CCK: variants seen among roughly 807,000 people sequenced by gnomAD.
CCK encodes cholecystokinin triacontatriapeptide.
A neutral mutation model predicts 10.1 loss-of-function variants in CCK; 11 were observed. The ratio of observed to expected loss-of-function variants is 1.09; its 90% CI spans 0.69 to 1.81. The LOEUF (loss-of-function observed/expected upper bound fraction) is 1.81. CCK is among the 40% of genes most tolerant of loss of function. The pLI is 0.00. For synonymous variants in CCK, 83 were observed against 71.9 expected (o/e 1.15, Z -0.78); for missense variants, 137 against 159.9 (o/e 0.86, Z 0.77).
chr3:42,263,547 G>A lies in CCK; in HGVS notation c.84C>T (p.Pro28=). Residue 28 remains proline, a synonymous_variant, in exon 4 of 5, where the codon CCC becomes CCT. Transcript: ENST00000396169. ...CTGCCCGCTGCAGCCCGGAGCCCGCGGGATCTGCGGGAGGCACCGGCTGCG... is the reference window on the plus strand; with the variant it reads ...CTGCCCGCTGCAGCCCGGAGCCCGCAGGATCTGCGGGAGGCACCGGCTGCG... ...ALTQPVPPAD[P]AGSGLQRAEE... The A allele has an allele frequency of 6.2e-7, 1 of 1,612,146 alleles. No homozygotes were observed. The highest frequency in any genetic ancestry group is 8.5e-7 in the Non-Finnish European group (1 of 1,179,228).
chr3:42,263,653 G>A, intron 3 of CCK, 21 bp from the exon 4 acceptor site: 1 of 1,509,200 alleles, frequency 6.6e-7, no homozygotes, highest in South Asian at 1.3e-5. Flanking sequence ...CAAAGGAGGA[G>A]GGCGCGTTAA....
Position 42,263,631 on chromosome 3 carries a change from G to T in CCK, c.-1C>A. On this transcript the variant is annotated splice_region_variant and 5_prime_UTR_variant, in exon 4 of 5. Coordinates refer to ENST00000396169, the MANE Select transcript of CCK (RefSeq NM_000729.6). ...CGCACAGGCACACGCCGCTGTTCAT[G>T]GCTGTAGCGAGCAAAGGAGGAGGGC... 1.3e-6 allele frequency: 2 copies of T among 1,571,226 alleles called. No homozygotes were observed. Among genetic ancestry groups the T allele is most frequent in the Non-Finnish European group, 1.7e-6 (2 of 1,158,160 alleles).
rs777458116 is a variant in CCK at position 42,263,578 on chromosome 3, G to A, written c.53C>T (p.Ala18Val). The A allele has an allele frequency of 1.3e-6, 2 of 1,599,664 alleles. No individual in the cohort carries two copies. Among genetic ancestry groups the A allele is most frequent in the East Asian group, 2.3e-5 (1 of 43,972 alleles). ...TGCGGGAGGCACCGGCTGCGTCAGG[G>A]CGCCAGCCGCCAGTACCGCCATCAG... The part of the protein sequence containing the change: ...CVLMAVLAAG[A>V]LTQPVPPADP... The change falls in exon 4 of 5, where the codon GCC (alanine) becomes GTC (valine). Residue 18 changes from alanine to valine, a missense_variant. Transcript: ENST00000396169.
At chr3:42,260,693 T>G (rs11571858) in intron 4 of CCK, among the ~76,000 whole-genome samples, 1 of 152,184 alleles carries the variant, frequency 6.6e-6, no homozygotes, top group African/African-American at 2.4e-5. Flanking sequence ...AAGGGGCTTA[T>G]TGGAAAGCTA....
chr3:42,263,551 T>C lies in CCK; in HGVS notation c.80A>G (p.Asp27Gly). The change falls in exon 4 of 5, where the codon GAT becomes GGT. Residue 27 changes from aspartate to glycine, a missense_variant. Coordinates refer to ENST00000396169, the MANE Select transcript of CCK (RefSeq NM_000729.6). ...GALTQPVPPADPAGSGLQRAE... is the reference protein window; with the variant it reads ...GALTQPVPPAGPAGSGLQRAE... ...CCGCTGCAGCCCGGAGCCCGCGGGA[T>C]CTGCGGGAGGCACCGGCTGCGTCAG... 2 of 1,611,868 alleles carry C rather than the reference T, an allele frequency of 1.2e-6. No homozygotes were observed. The highest frequency in any genetic ancestry group is 1.7e-6 in the Non-Finnish European group (2 of 1,179,076).
chr3:42,265,221 G>C (rs1487950411), intron 2 of CCK, 48 bp downstream of exon 2: 1 of 152,346 alleles, frequency 6.6e-6, no homozygotes, highest in Non-Finnish European at 1.5e-5. Flanking sequence ...GAAAGGGAGG[G>C]GGCGTCGGCC....
intron 4 of CCK, among the ~76,000 whole-genome samples, chr3:42,258,926 C>T (rs1161335314): frequency 6.6e-6 from 1 of 152,158 alleles, no homozygotes; most frequent in Admixed American, 6.5e-5. Flanking sequence ...CAGCACTATT[C>T]ACAATAGCAA....
In CCK at chr3:42,264,835, A is replaced by T. The variant is rs1370056653; in HGVS notation, c.-141T>A. 2 of 152,238 alleles carry T rather than the reference A, an allele frequency of 1.3e-5. No individual in the cohort carries two copies. Among genetic ancestry groups the T allele is most frequent in the Non-Finnish European group, 2.9e-5 (2 of 68,098 alleles). The allele number at this position is 152,238 out of a possible 1,614,324, so 9.4% of individuals were successfully genotyped here. A position where few individuals can be genotyped will look rare whatever the true frequency, so the allele number is the denominator to read the frequency against. On this transcript the variant is annotated 5_prime_UTR_variant, in exon 3 of 5. Coordinates refer to ENST00000396169, the MANE Select transcript of CCK (RefSeq NM_000729.6). ...GCGTCGGCCAGTCATGTATTTACCCAACGCTGACGCAGACTGGCAGTAACA... is the reference window on the plus strand; with the variant it reads ...GCGTCGGCCAGTCATGTATTTACCCTACGCTGACGCAGACTGGCAGTAACA...
intron 4 of CCK, among the ~76,000 whole-genome samples, chr3:42,259,423 AG>A (rs990033450): frequency 2.0e-5 from 3 of 152,246 alleles, no homozygotes; most frequent in African/African-American, 4.8e-5. Flanking sequence ...AGTTATATTC[AG>A]AAAGCTTTTG....
At chr3:42,263,053 A>AGGGTT (rs1242222789) in intron 4 of CCK, 1 of 361,984 alleles carries the variant, frequency 2.8e-6, no homozygotes, top group Non-Finnish European at 5.2e-6. Context: ...AGGATTTCCA[A>AGGGTT]GGGTTGGTAT....
intron 4 of CCK, 80 bp downstream of exon 4, chr3:42,263,337 G>T (rs1475262980): frequency 1.9e-6 from 3 of 1,604,976 alleles, no homozygotes; most frequent in Non-Finnish European, 2.6e-6. Context: ...TCCCCATCAG[G>T]CTAGCGCTAG....
chr3:42,261,622 T>C (rs948206628), intron 4 of CCK, among the ~76,000 whole-genome samples: 1 of 150,542 alleles, frequency 6.6e-6, no homozygotes, highest in Admixed American at 6.6e-5. Flanking sequence ...TTTTTTTTTC[T>C]TTTTTTTCCC....
intron 4 of CCK, among the ~76,000 whole-genome samples, chr3:42,260,259 A>C (rs954231815): frequency 1.1e-4 from 17 of 152,192 alleles, no homozygotes; most frequent in African/African-American, 4.1e-4. Context: ...TTCATCATTC[A>C]GGTGAAATAT....
In CCK at chr3:42,263,549, G is replaced by A. The variant is rs562463821; in HGVS notation, c.82C>T (p.Pro28Ser). 3 of 1,612,150 alleles carry A rather than the reference G, an allele frequency of 1.9e-6. No individual in the cohort carries two copies. The African/African-American group carries it at 4.0e-5, about 21-fold the overall frequency. The change falls in exon 4 of 5, where the codon CCC (proline) becomes TCC (serine). Residue 28 changes from proline to serine, a missense_variant. Coordinates refer to ENST00000396169, the MANE Select transcript of CCK (RefSeq NM_000729.6). Reference protein sequence around the residue: ...ALTQPVPPADPAGSGLQRAEE... With the variant: ...ALTQPVPPADSAGSGLQRAEE... ...GCCCGCTGCAGCCCGGAGCCCGCGG[G>A]ATCTGCGGGAGGCACCGGCTGCGTC...
chr3:42,258,020 T>G lies in CCK; in HGVS notation c.*78A>C. ...GTCAAACTCCACAGACAATGAGTTATGAGTGTGATTGTTTTCTTATTCTGC... is the reference window on the plus strand; with the variant it reads ...GTCAAACTCCACAGACAATGAGTTAGGAGTGTGATTGTTTTCTTATTCTGC... On this transcript the variant is annotated 3_prime_UTR_variant, in exon 5 of 5. Coordinates refer to ENST00000396169, the MANE Select transcript of CCK (RefSeq NM_000729.6). 19 of 1,400,348 alleles carry G rather than the reference T, an allele frequency of 1.4e-5. No homozygotes were observed. The highest frequency in any genetic ancestry group is 1.8e-5 in the Non-Finnish European group (18 of 1,021,266). The allele number at this position is 1,400,348 out of a possible 1,614,324, so 86.7% of individuals were successfully genotyped here. A position where few individuals can be genotyped will look rare whatever the true frequency, so the allele number is the denominator to read the frequency against.
At chr3:42,263,838 G>T in intron 3 of CCK, 2 of 727,904 alleles carry the variant, frequency 2.7e-6, no homozygotes, top group Non-Finnish European at 2.1e-6. Context: ...TGGTCTTTGG[G>T]AACTCCTCAC....
Position 42,263,580 on chromosome 3 carries a change from G to A in CCK, c.51C>T (p.Gly17=). The change falls in exon 4 of 5, where the codon GGC becomes GGT. Residue 17 remains glycine, a synonymous_variant. Coordinates refer to ENST00000396169, the MANE Select transcript of CCK (RefSeq NM_000729.6). Reference sequence around the variant, plus strand: ...CGGGAGGCACCGGCTGCGTCAGGGCGCCAGCCGCCAGTACCGCCATCAGCA... The same window carrying A: ...CGGGAGGCACCGGCTGCGTCAGGGCACCAGCCGCCAGTACCGCCATCAGCA... ...LCVLMAVLAA[G]ALTQPVPPAD... is the part of the protein sequence containing the mutation. The A allele has an allele frequency of 6.3e-7, 1 of 1,591,064 alleles. No homozygotes were observed.
intron 4 of CCK, among the ~76,000 whole-genome samples, chr3:42,262,217 C>CTTT (rs11298401): frequency 0.25 from 24,919 of 100,852 alleles, 3,688 homozygotes; most frequent in Non-Finnish European, 0.34. Context: ...TTGCTAAGTT[C>CTTT]TTTTTTTTTT....
intron 4 of CCK, among the ~76,000 whole-genome samples, chr3:42,261,616 T>TC (rs1405797864): frequency 6.7e-6 from 1 of 149,292 alleles, no homozygotes; most frequent in Non-Finnish European, 1.5e-5. Flanking sequence ...AGCTTTTTTT[T>TC]TTTTCTTTTT....
Sources: allele counts gnomAD v4.1 joint callset (sites outside exome capture counted in the v4.1 genomes callset), GRCh38; gene constraint gnomAD v4.1.1; transcripts MANE v1.5; gene names NCBI Gene and HGNC (gene_info 2026-07-23, HGNC 2026-07-21).